The following NRG1 variants were observed in gnomAD, a reference collection of about 807,000 sequenced individuals.
NRG1 encodes the protein neuregulin 1.
In NRG1, 18 loss-of-function variants were observed where a neutral mutation model predicts 63.8. The ratio of observed to expected loss-of-function variants is 0.28; its 90% CI spans 0.19 to 0.42. NRG1 has a LOEUF of 0.42. Ranked by LOEUF, NRG1 falls within the 10% of genes least tolerant of loss-of-function variation. The probability of loss-of-function intolerance (pLI) is 1.00; values close to 1 mark genes in which losing one functional copy is unlikely to be tolerated. For missense variants in NRG1, 762 were observed against 814.7 expected, an observed-to-expected ratio of 0.94 and a Z score of 0.79; for synonymous variants, 302 against 301.3, an observed-to-expected ratio of 1.00 and a Z score of -0.02.
At position 31,908,798 on chromosome 8, in the gene NRG1, T is replaced by C. The variant is rs951870754; in HGVS notation, c.37+269367T>C. 7.2e-5 allele frequency among the ~76,000 whole-genome samples: 11 copies of C among 152,124 alleles called. 1 individual carries two copies. Among genetic ancestry groups the C allele is most frequent in the African/African-American group, 2.7e-4 (11 of 41,424 alleles). On this transcript the variant is annotated intron_variant, in intron 1 of 10. Coordinates refer to the NRG1 transcript ENST00000519301. ...ATTTATTTGCTGCTTATTTAATTTA[T>C]AAACATAACAGAAATATAAGGGAAA...
chr8:32,465,774 A>G (rs1225940336), intron 1 of NRG1, among the ~76,000 whole-genome samples: 1 of 152,250 alleles, frequency 6.6e-6, no homozygotes, highest in Non-Finnish European at 1.5e-5. Context: ...AACATTATGG[A>G]AATAGTGATA....
chr8:31,890,501 A>G (rs1831063131), intron 1 of NRG1, among the ~76,000 whole-genome samples: 1 of 152,200 alleles, frequency 6.6e-6, no homozygotes, highest in African/African-American at 2.4e-5. Context: ...GTGTCTGTCT[A>G]ATAGGAATTC....
At chr8:31,842,218 T>C (rs1826263694) in intron 1 of NRG1, among the ~76,000 whole-genome samples, 1 of 152,242 alleles carries the variant, frequency 6.6e-6, no homozygotes, top group Admixed American at 6.5e-5. Context: ...CTGGTTTTTA[T>C]CTGGCTTCTC....
chr8:31,756,544 G>T (rs796986254), intron 1 of NRG1, among the ~76,000 whole-genome samples: 2 of 152,096 alleles, frequency 1.3e-5, no homozygotes, highest in African/African-American at 4.8e-5. Context: ...GGAAAGGGTA[G>T]TAAACTCCTC....
intron 1 of NRG1, among the ~76,000 whole-genome samples, chr8:32,328,687 G>T (rs1471064921): frequency 1.3e-5 from 2 of 152,112 alleles, no homozygotes; most frequent in East Asian, 3.9e-4. Flanking sequence ...GATGAAACTT[G>T]CCTTCAGTGT....
At chr8:32,137,617 T>A (rs988680461) in intron 1 of NRG1, among the ~76,000 whole-genome samples, 4 of 152,172 alleles carry the variant, frequency 2.6e-5, no homozygotes, top group African/African-American at 9.7e-5. Flanking sequence ...TATAGACAGT[T>A]GGGTACATAA....
rs537637612 is a variant in NRG1 at position 32,365,723 on chromosome 8, T to C, written c.38-230105T>C. Reference sequence around the variant, plus strand: ...CAGCCACAGACAGCACAAAAACCAATGGGCATAACTGTGATCCGGTAAAGC... The same window carrying C: ...CAGCCACAGACAGCACAAAAACCAACGGGCATAACTGTGATCCGGTAAAGC... On this transcript the variant is annotated intron_variant, in intron 1 of 10. Transcript: ENST00000519301. 2.6e-5 allele frequency among the ~76,000 whole-genome samples: 4 copies of C among 152,248 alleles called. No individual in the cohort carries two copies. In the East Asian group the frequency reaches 7.7e-4, roughly 29 times the overall value.
At chr8:32,581,592 G>A (rs1840645187) in intron 1 of NRG1, among the ~76,000 whole-genome samples, 1 of 151,046 alleles carries the variant, frequency 6.6e-6, no homozygotes, top group Non-Finnish European at 1.5e-5. Flanking sequence ...AAACAAACAT[G>A]TGTAAAGATA....
intron 1 of NRG1, among the ~76,000 whole-genome samples, chr8:32,315,078 C>A (rs1391692461): frequency 6.6e-6 from 1 of 152,160 alleles, no homozygotes; most frequent in Admixed American, 6.5e-5. Flanking sequence ...CCAACTTTTT[C>A]TTTTTTAAAT....
At chr8:32,517,251 G>A (rs921633819) in intron 1 of NRG1, among the ~76,000 whole-genome samples, 1 of 151,984 alleles carries the variant, frequency 6.6e-6, no homozygotes, top group East Asian at 1.9e-4. Flanking sequence ...TGTCTGTCTG[G>A]AGTACTTACC....
intron 1 of NRG1, among the ~76,000 whole-genome samples, chr8:32,486,656 G>A (rs1314551700): frequency 7.7e-6 from 1 of 129,286 alleles, no homozygotes; most frequent in Admixed American, 8.2e-5. Context: ...ATGGAGTCTT[G>A]CTCTGCCACC....
intron 1 of NRG1, among the ~76,000 whole-genome samples, chr8:32,477,339 A>G (rs1824654003): frequency 2.0e-5 from 3 of 152,176 alleles, no homozygotes; most frequent in Admixed American, 2.0e-4. Flanking sequence ...GTGGTTCTGC[A>G]GGAGCGGTTC....
At chr8:32,227,542 A>G (rs906988045) in intron 1 of NRG1, among the ~76,000 whole-genome samples, 3 of 152,158 alleles carry the variant, frequency 2.0e-5, no homozygotes, top group East Asian at 1.9e-4. Flanking sequence ...GAGAACTGGC[A>G]TTTTTCAAGC....
At chr8:31,962,202 A>G (rs1002243319) in intron 1 of NRG1, among the ~76,000 whole-genome samples, 1 of 152,180 alleles carries the variant, frequency 6.6e-6, no homozygotes, top group Admixed American at 6.5e-5. Flanking sequence ...ATTTCTACCT[A>G]TTACTAACAG....
At chr8:32,570,605 CTT>C (rs1254741421) in intron 1 of NRG1, among the ~76,000 whole-genome samples, 3 of 152,084 alleles carry the variant, frequency 2.0e-5, no homozygotes, top group African/African-American at 7.2e-5. Flanking sequence ...TATCATTAAG[CTT>C]GTTAAGATGA....
At chr8:32,370,132 A>C (rs904663883) in intron 1 of NRG1, among the ~76,000 whole-genome samples, 5 of 152,322 alleles carry the variant, frequency 3.3e-5, no homozygotes, top group African/African-American at 1.2e-4. Context: ...GGGAGTGGAA[A>C]TGTTTCTAAG....
At chr8:31,834,440 C>T (rs1244702720) in intron 1 of NRG1, among the ~76,000 whole-genome samples, 1 of 152,178 alleles carries the variant, frequency 6.6e-6, no homozygotes, top group Non-Finnish European at 1.5e-5. Flanking sequence ...GGTGTAGTGG[C>T]TAATGCCTGT....
intron 1 of NRG1, among the ~76,000 whole-genome samples, chr8:31,665,912 T>A (rs1464729914): frequency 6.6e-6 from 1 of 152,208 alleles, no homozygotes; most frequent in African/African-American, 2.4e-5. Flanking sequence ...GTTACACCGC[T>A]ACTGCCACCT....
rs532566677 is a variant in NRG1 at position 32,130,917 on chromosome 8, G to T, written c.38-464911G>T. Among the ~76,000 whole-genome samples the T allele has an allele frequency of 2.7e-4, 41 of 152,076 alleles. 1 individual carries two copies. In the South Asian group the frequency reaches 5.6e-3, roughly 21 times the overall value. ...TCATTACATTGCTTCAAGGCAGTTT[G>T]CAGCTTGCATTCATATTTTTAAAGT... On this transcript the variant is annotated intron_variant, in intron 1 of 10. Coordinates refer to the NRG1 transcript ENST00000519301.
Sources: allele counts gnomAD v4.1 joint callset (sites outside exome capture counted in the v4.1 genomes callset), GRCh38; gene constraint gnomAD v4.1.1; transcripts MANE v1.5; gene names NCBI Gene and HGNC (gene_info 2026-07-23, HGNC 2026-07-21).